NKAIN2: variants seen among roughly 807,000 people sequenced by gnomAD.
NKAIN2 encodes the protein sodium/potassium transporting ATPase interacting 2.
Under a neutral mutation model 32.6 loss-of-function variants are expected in NKAIN2, and 14 were observed. The ratio of observed to expected loss-of-function variants is 0.43; its 90% CI spans 0.28 to 0.67. The LOEUF (loss-of-function observed/expected upper bound fraction) is 0.67. Ranked by LOEUF, NKAIN2 falls within the 30% of genes least tolerant of loss-of-function variation. The pLI, the probability that NKAIN2 is intolerant of heterozygous loss-of-function variation, is 0.17. For synonymous variants in NKAIN2, 80 were observed against 87.2 expected, an observed-to-expected ratio of 0.92 and a Z score of 0.46; for missense variants, 198 against 258.3, an observed-to-expected ratio of 0.77 and a Z score of 1.60.
At chr6:123,940,246 C>T (rs371938809) in intron 1 of NKAIN2, among the ~76,000 whole-genome samples, 18 of 151,812 alleles carry the variant, frequency 1.2e-4, no homozygotes, top group East Asian at 3.9e-4. Flanking sequence ...AAAAAAATCA[C>T]GTAAGCTGTG....
chr6:124,665,949 T>C (rs1772775844), intron 4 of NKAIN2, among the ~76,000 whole-genome samples: 1 of 151,720 alleles, frequency 6.6e-6, no homozygotes, highest in African/African-American at 2.4e-5. Context: ...TTCCAGATTC[T>C]TCCTAGTCCA....
At chr6:124,710,295 A>C (rs1330290595) in intron 4 of NKAIN2, among the ~76,000 whole-genome samples, 26 of 148,126 alleles carry the variant, frequency 1.8e-4, no homozygotes, top group East Asian at 4.0e-4. Context: ...TGCTGAAAAA[A>C]TGTATATTCT....
chr6:124,412,384 C>T lies in NKAIN2; in HGVS notation c.273+57037C>T, dbSNP rs972678931. On this transcript the variant is annotated intron_variant, in intron 3 of 6. Transcript: ENST00000368417. ...ATGTCCTTTCTGTTTGTTAGTTTTCCGTCTGACAGTCAGGACTCTCAGCTG... is the reference window on the plus strand; with the variant it reads ...ATGTCCTTTCTGTTTGTTAGTTTTCTGTCTGACAGTCAGGACTCTCAGCTG... Among the ~76,000 whole-genome samples the T allele has an allele frequency of 8.3e-4, 127 of 152,182 alleles. 2 individuals are homozygous for T. Among genetic ancestry groups the T allele is most frequent in the Non-Finnish European group, 1.9e-4 (13 of 68,016 alleles).
chr6:124,017,912 T>TA (rs1234470655), intron 1 of NKAIN2, among the ~76,000 whole-genome samples: 3 of 152,164 alleles, frequency 2.0e-5, no homozygotes, highest in Admixed American at 2.0e-4. Flanking sequence ...ACAGCTCCAC[T>TA]AGTCAGTGCC....
intron 4 of NKAIN2, among the ~76,000 whole-genome samples, chr6:124,721,254 A>C (rs1369995201): frequency 4.0e-5 from 6 of 151,832 alleles, no homozygotes; most frequent in Non-Finnish European, 8.8e-5. Context: ...AATACAAAAA[A>C]TTAGCCGGGC....
intron 1 of NKAIN2, among the ~76,000 whole-genome samples, chr6:124,151,706 A>C (rs891322759): frequency 6.6e-6 from 1 of 152,032 alleles, no homozygotes; most frequent in Non-Finnish European, 1.5e-5. Context: ...AGTATATCAC[A>C]GTATCACAAT....
intron 1 of NKAIN2, among the ~76,000 whole-genome samples, chr6:123,811,214 T>C (rs76124961): frequency 0.063 from 9,657 of 152,262 alleles, 924 homozygotes; most frequent in African/African-American, 0.2. Context: ...TTCTGACTTT[T>C]AGCTTAGTTC....
intron 1 of NKAIN2, among the ~76,000 whole-genome samples, chr6:123,917,894 C>T (rs1349990551): frequency 1.3e-5 from 2 of 152,060 alleles, no homozygotes; most frequent in African/African-American, 2.4e-5. Flanking sequence ...AGCCGCTGGA[C>T]CAGCTTACAG....
At chr6:123,995,666 C>A (rs1468309082) in intron 1 of NKAIN2, among the ~76,000 whole-genome samples, 2 of 152,110 alleles carry the variant, frequency 1.3e-5, no homozygotes, top group Non-Finnish European at 2.9e-5. Flanking sequence ...TCCAAAATAA[C>A]TTTCTTTGCT....
At chr6:124,739,933 G>T (rs1440880082) in intron 4 of NKAIN2, among the ~76,000 whole-genome samples, 1 of 151,866 alleles carries the variant, frequency 6.6e-6, no homozygotes, top group South Asian at 2.1e-4. Flanking sequence ...GCTGGGCAGA[G>T]AGCAAAGCAT....
intron 1 of NKAIN2, among the ~76,000 whole-genome samples, chr6:124,104,037 A>G (rs544014693): frequency 6.6e-6 from 1 of 152,250 alleles, no homozygotes; most frequent in Admixed American, 6.5e-5. Context: ...AGTGAGCTTG[A>G]GATTGCGCCA....
chr6:124,779,155 A>G (rs912181868), intron 4 of NKAIN2, among the ~76,000 whole-genome samples: 3 of 151,636 alleles, frequency 2.0e-5, no homozygotes, highest in African/African-American at 7.3e-5. Flanking sequence ...GATGTGGGAG[A>G]ATCAGTTGAG....
intron 2 of NKAIN2, among the ~76,000 whole-genome samples, chr6:124,353,700 A>G (rs965686390): frequency 2.0e-5 from 3 of 151,994 alleles, no homozygotes; most frequent in Non-Finnish European, 2.9e-5. Context: ...GCTCTCAGTG[A>G]GCCGAGATCG....
At chr6:123,866,778 A>T (rs1772542128) in intron 1 of NKAIN2, among the ~76,000 whole-genome samples, 2 of 152,048 alleles carry the variant, frequency 1.3e-5, no homozygotes, top group African/African-American at 4.8e-5. Flanking sequence ...TTGACCATGT[A>T]ATCCTCCTGT....
Position 124,522,326 on chromosome 6 carries a change from A to T in NKAIN2, c.274-135860A>T, listed in dbSNP as rs910087863. On this transcript the variant is annotated intron_variant, in intron 3 of 6. Transcript: ENST00000368417. ...TATAATATAGAATATATTACCACTC[A>T]ATCATGTACACACTCTTCGTTATAC... Among the ~76,000 whole-genome samples, 25 of 152,292 alleles carry T rather than the reference A, an allele frequency of 1.6e-4. 1 individual carries two copies. The highest frequency in any genetic ancestry group is 1.4e-3 in the Admixed American group (21 of 15,296).
chr6:124,605,862 T>A (rs929461275), intron 3 of NKAIN2, among the ~76,000 whole-genome samples: 1 of 152,014 alleles, frequency 6.6e-6, no homozygotes, highest in Non-Finnish European at 1.5e-5. Context: ...CCCTTCAGTT[T>A]ACAGATATTA....
intron 1 of NKAIN2, among the ~76,000 whole-genome samples, chr6:124,171,393 T>C (rs915616256): frequency 1.3e-5 from 2 of 152,082 alleles, no homozygotes; most frequent in South Asian, 4.1e-4. Flanking sequence ...ATAAAAGATA[T>C]AAGTTAGAAA....
intron 1 of NKAIN2, among the ~76,000 whole-genome samples, chr6:124,142,835 T>C (rs79361138): frequency 0.035 from 5,285 of 152,280 alleles, 181 homozygotes; most frequent in East Asian, 0.12. Context: ...ATTATCATTA[T>C]AATCATATAA....
intron 1 of NKAIN2, among the ~76,000 whole-genome samples, chr6:123,993,009 CCTTTTTATTCCTAT>C (rs141102674): frequency 0.032 from 4,878 of 152,266 alleles, 182 homozygotes; most frequent in African/African-American, 0.09. Flanking sequence ...ACCCTCTAAA[CCTTTTTATTCCTAT>C]CTGGTAAAAC....
Sources: allele counts gnomAD v4.1 joint callset (sites outside exome capture counted in the v4.1 genomes callset), GRCh38; gene constraint gnomAD v4.1.1; transcripts MANE v1.5; gene names NCBI Gene and HGNC (gene_info 2026-07-23, HGNC 2026-07-21).